The following COL11A1 variants were observed in gnomAD, a reference collection of about 807,000 sequenced individuals.
The protein encoded by COL11A1 is collagen alpha-1(XI) chain.
A neutral mutation model predicts 265.2 loss-of-function variants in COL11A1; 74 were observed. That is an observed-to-expected ratio of 0.28 (90% CI 0.23 to 0.34). COL11A1 has a LOEUF of 0.34. Ranked by LOEUF, COL11A1 falls within the 10% of genes least tolerant of loss-of-function variation. The pLI is 1.00. For synonymous variants in COL11A1, 816 were observed against 727.6 expected (o/e 1.12, Z -1.96); for missense variants, 2,165 against 2,263.6 (o/e 0.96, Z 0.88).
chr1:102,984,793 A>G (rs1436852740), intron 30 of COL11A1, among the ~76,000 whole-genome samples: 1 of 152,056 alleles, frequency 6.6e-6, no homozygotes, highest in Non-Finnish European at 1.5e-5. Flanking sequence ...ATGTGTTGAG[A>G]GCTTTAGCTA....
chr1:103,051,617 C>T (rs1050891654), intron 4 of COL11A1, among the ~76,000 whole-genome samples: 7 of 152,154 alleles, frequency 4.6e-5, no homozygotes, highest in African/African-American at 1.7e-4. Context: ...TGTCCTGCAC[C>T]CACTGTCTGG....
intron 42 of COL11A1, among the ~76,000 whole-genome samples, chr1:102,943,301 G>T (rs1200187767): frequency 5.3e-5 from 8 of 151,676 alleles, no homozygotes; most frequent in African/African-American, 1.5e-4. Context: ...TAATCTAAAG[G>T]TATAAATACC....
intron 5 of COL11A1, chr1:103,030,898 C>T: frequency 1.8e-6 from 1 of 550,124 alleles, no homozygotes; most frequent in Non-Finnish European, 3.2e-6. Context: ...AAGTGAAGCA[C>T]CATTATTGCT....
chr1:102,914,040 G>A (rs1421602056), intron 52 of COL11A1, among the ~76,000 whole-genome samples: 2 of 152,094 alleles, frequency 1.3e-5, no homozygotes, highest in Non-Finnish European at 2.9e-5. Flanking sequence ...AAACAGAAAA[G>A]CAAAGATCCT....
chr1:102,950,222 G>T (rs1480068349), intron 41 of COL11A1, among the ~76,000 whole-genome samples: 1 of 152,146 alleles, frequency 6.6e-6, no homozygotes, highest in African/African-American at 2.4e-5. Context: ...GGTCAAGGCT[G>T]CAGTGAGCTG....
chr1:102,918,645 A>T (rs1336064302), intron 49 of COL11A1, among the ~76,000 whole-genome samples: 2 of 149,970 alleles, frequency 1.3e-5, no homozygotes, highest in Non-Finnish European at 3.0e-5. Context: ...TCGTGCTGTC[A>T]CATAAAAAAA....
chr1:102,996,317 T>G (rs948063520), intron 26 of COL11A1, among the ~76,000 whole-genome samples: 1 of 152,052 alleles, frequency 6.6e-6, no homozygotes, highest in Non-Finnish European at 1.5e-5. Flanking sequence ...TACAAGCATG[T>G]AAAATAATGT....
chr1:103,014,676 C>T, intron 12 of COL11A1, 82 bp from the exon 13 acceptor site: 1 of 1,146,430 alleles, frequency 8.7e-7, no homozygotes, highest in Non-Finnish European at 1.3e-6. Context: ...TAGATAAAAA[C>T]CACTTATTAA....
At chr1:102,980,593 A>G (rs1662943562) in intron 31 of COL11A1, among the ~76,000 whole-genome samples, 1 of 152,166 alleles carries the variant, frequency 6.6e-6, no homozygotes, top group Admixed American at 6.6e-5. Flanking sequence ...ATCAAATTTT[A>G]CAAACTTCCC....
intron 9 of COL11A1, 127 bp downstream of exon 9, chr1:103,021,580 G>A (rs754361994): frequency 1.4e-5 from 10 of 701,164 alleles, no homozygotes; most frequent in Non-Finnish European, 2.6e-5. Context: ...CTTATTTGTG[G>A]TGAATTGCAA....
chr1:103,050,770 T>A (rs113111395), intron 4 of COL11A1, among the ~76,000 whole-genome samples: 1 of 152,058 alleles, frequency 6.6e-6, no homozygotes, highest in Admixed American at 6.5e-5. Context: ...GACGTACAGA[T>A]GGGTTTTTGG....
intron 47 of COL11A1, among the ~76,000 whole-genome samples, chr1:102,922,351 T>C (rs1186346221): frequency 1.3e-5 from 2 of 152,188 alleles, no homozygotes; most frequent in African/African-American, 2.4e-5. Context: ...AGGAACTTGC[T>C]ATGTATCTGT....
rs1553242295 is a variant in COL11A1, at chr1:103,036,343, T to TATGATACTTATGTATATAA, written c.652-5100_652-5099insTTATATACATAAGTATCAT. Among the ~76,000 whole-genome samples, 5 of 142,216 alleles carry TATGATACTTATGTATATAA rather than the reference T, an allele frequency of 3.5e-5. No individual in the cohort carries two copies. In the East Asian group the frequency reaches 9.9e-4, roughly 28 times the overall value. 93.3% of individuals were successfully genotyped at this position (142,216 alleles called of 152,430 possible). On this transcript the variant is annotated intron_variant, in intron 4 of 66. Transcript: ENST00000370096. ...TATCGTATATATATATATATATATATATATATATGATACTTATGTATATAA... is the reference window on the plus strand; with the variant it reads ...TATCGTATATATATATATATATATATATGATACTTATGTATATAAATATATATGATACTTATGTATATAA...
chr1:102,996,165 A>G (rs940195386), intron 26 of COL11A1, 123 bp from the exon 27 acceptor site: 134 of 971,236 alleles, frequency 1.4e-4, no homozygotes, highest in Middle Eastern at 3.1e-4. Context: ...TATTTGATAA[A>G]GACTTTTTGG....
chr1:102,916,676 C>T (rs144250826), intron 49 of COL11A1, among the ~76,000 whole-genome samples: 1 of 152,026 alleles, frequency 6.6e-6, no homozygotes, highest in Admixed American at 6.5e-5. Flanking sequence ...TGTGAGAATA[C>T]ACAAATATTT....
chr1:103,091,413 T>C (rs1346249282), intron 1 of COL11A1, among the ~76,000 whole-genome samples: 1 of 152,058 alleles, frequency 6.6e-6, no homozygotes, highest in East Asian at 1.9e-4. Flanking sequence ...TACATAAACT[T>C]CCTACCCTCA....
At chr1:103,106,344 C>T (rs201776433) in intron 1 of COL11A1, among the ~76,000 whole-genome samples, 11 of 152,108 alleles carry the variant, frequency 7.2e-5, no homozygotes, top group Admixed American at 2.0e-4. Flanking sequence ...GCTGCCATTA[C>T]AATATTCTCA....
intron 44 of COL11A1, among the ~76,000 whole-genome samples, chr1:102,936,859 C>T (rs972926180): frequency 2.6e-5 from 4 of 152,008 alleles, no homozygotes; most frequent in Non-Finnish European, 5.9e-5. Flanking sequence ...TATGTAAAAT[C>T]AAAGAATATT....
chr1:102,883,104 T>A (rs1650459470), intron 64 of COL11A1, 95 bp downstream of exon 64: 1 of 834,766 alleles, frequency 1.2e-6, no homozygotes, highest in Admixed American at 1.8e-5. Flanking sequence ...AGCAGATAAA[T>A]GAAAATATGA....
Sources: gnomAD v4.1 joint callset for allele counts (sites outside exome capture counted in the v4.1 genomes callset) on GRCh38, gnomAD v4.1.1 for gene constraint, MANE v1.5 for transcripts, NCBI Gene and HGNC (gene_info 2026-07-23, HGNC 2026-07-21) for gene names.